Variants in FCF1 observed in about 807,000 individuals in gnomAD.
The protein encoded by FCF1 is rRNA-processing protein FCF1 homolog.
A neutral mutation model predicts 32.5 loss-of-function variants in FCF1; 17 were observed. The observed-to-expected ratio is 0.52, with a 90% CI of 0.36 to 0.78. FCF1 has a LOEUF of 0.78. Ranked by LOEUF, FCF1 falls within the 30% of genes least tolerant of loss-of-function variation. The pLI, the probability that FCF1 is intolerant of heterozygous loss-of-function variation, is 0.00. For missense variants in FCF1, 201 were observed against 241.1 expected, an observed-to-expected ratio of 0.83 and a Z score of 1.10; for synonymous variants, 84 against 78.4, an observed-to-expected ratio of 1.07 and a Z score of -0.38.
chr14:74,732,867 T>A, intron 6 of FCF1, 49 bp downstream of exon 6: 34 of 1,018,834 alleles, frequency 3.3e-5, no homozygotes, highest in Non-Finnish European at 4.5e-5. Flanking sequence ...AAAAAAAATG[T>A]AAACTATTAT....
At chr14:74,733,725 C>T (rs977060148) in intron 6 of FCF1, among the ~76,000 whole-genome samples, 2 of 152,104 alleles carry the variant, frequency 1.3e-5, no homozygotes, top group African/African-American at 4.8e-5. Flanking sequence ...TTTTTATCTC[C>T]ATGGAGTTCC....
intron 3 of FCF1, 93 bp from the exon 4 acceptor site, chr14:74,715,858 G>A: frequency 6.2e-7 from 1 of 1,610,234 alleles, no homozygotes; most frequent in Non-Finnish European, 8.5e-7. Context: ...AGAGTTTACA[G>A]CAAACAGTCC....
intron 4 of FCF1, among the ~76,000 whole-genome samples, chr14:74,716,870 C>T (rs555560541): frequency 6.6e-6 from 1 of 152,234 alleles, no homozygotes; most frequent in Non-Finnish European, 1.5e-5. Context: ...TTGTACCTCC[C>T]TTTTTAAGTT....
At chr14:74,720,981 C>A (rs1408530608) in intron 4 of FCF1, among the ~76,000 whole-genome samples, 1 of 150,424 alleles carries the variant, frequency 6.6e-6, no homozygotes, top group Non-Finnish European at 1.5e-5. Context: ...CGGGTTCAAG[C>A]AATTCTCATG....
At chr14:74,714,795 G>T in intron 2 of FCF1, 77 bp from the exon 3 acceptor site, 1 of 1,456,144 alleles carries the variant, frequency 6.9e-7, no homozygotes, top group Non-Finnish European at 9.1e-7. Flanking sequence ...AAAAAAAAAT[G>T]GAACTTTAGA....
rs571560482 is a variant in FCF1, at chr14:74,735,570, CTT to C, written c.*653_*654del. ...CTGAGGGTAGTTCAATATGCTCACT[CTT>C]TTTTTTTTTTTTCTTGAGATGAAGT... On this transcript the variant is annotated 3_prime_UTR_variant, in exon 8 of 8. Transcript: ENST00000341162. 5 of 144,270 alleles carry C rather than the reference CTT, an allele frequency of 3.5e-5. No individual in the cohort carries two copies. The highest frequency in any genetic ancestry group is 2.0e-4 in the East Asian group (1 of 5,002). 8.9% of individuals were successfully genotyped at this position (144,270 alleles called of 1,614,324 possible).
chr14:74,736,477 C>G lies in FCF1; in HGVS notation c.*1547C>G, dbSNP rs550563162. ...TCAGACAGGAAGAATATGTTTTATGCTTTTTTTGAGTTCTGTTGTACAGTG... is the reference window on the plus strand; with the variant it reads ...TCAGACAGGAAGAATATGTTTTATGGTTTTTTTGAGTTCTGTTGTACAGTG... On this transcript the variant is annotated 3_prime_UTR_variant, in exon 8 of 8. Coordinates refer to ENST00000341162, the MANE Select transcript of FCF1 (RefSeq NM_015962.5). 1 of 151,702 alleles carries G rather than the reference C, an allele frequency of 6.6e-6. No individual in the cohort carries two copies. The highest frequency in any genetic ancestry group is 2.1e-4 in the South Asian group (1 of 4,810). The allele number at this position is 151,702 out of a possible 1,614,324, so 9.4% of individuals were successfully genotyped here.
chr14:74,718,637 C>T (rs1032947169), intron 4 of FCF1, among the ~76,000 whole-genome samples: 1 of 151,546 alleles, frequency 6.6e-6, no homozygotes, highest in Non-Finnish European at 1.5e-5. Context: ...CCACTCCCAG[C>T]TAATTTTTGT....
At chr14:74,723,645 A>G (rs2090536198) in intron 5 of FCF1, among the ~76,000 whole-genome samples, 2 of 152,042 alleles carry the variant, frequency 1.3e-5, no homozygotes, top group Non-Finnish European at 2.9e-5. Flanking sequence ...CCTGACCAAC[A>G]TGGAGAAACC....
Position 74,723,234 on chromosome 14 carries a change from C to A in FCF1, c.293-38C>A, listed in dbSNP as rs562076830. On this transcript the variant is annotated intron_variant, in intron 4 of 7. Transcript: ENST00000341162. ...ATATAATTCAGAGATAATTTCGTTA[C>A]AAGTTCTGTTCTTAATGTGAATTTT... 4 of 1,472,564 alleles carry A rather than the reference C, an allele frequency of 2.7e-6. No homozygotes were observed. The South Asian group carries it at 4.5e-5, about 17-fold the overall frequency. 91.2% of individuals were successfully genotyped at this position (1,472,564 alleles called of 1,614,324 possible). A position where few individuals can be genotyped will look rare whatever the true frequency, so the allele number is the denominator to read the frequency against.
intron 4 of FCF1, among the ~76,000 whole-genome samples, chr14:74,722,047 C>CTTTTT (rs59367492): frequency 4.9e-5 from 6 of 121,408 alleles, no homozygotes; most frequent in African/African-American, 1.6e-4. Flanking sequence ...TGGGTATTTT[C>CTTTTT]TTTTTTTTTT....
chr14:74,728,533 A>G (rs2090599436), intron 5 of FCF1, among the ~76,000 whole-genome samples: 1 of 152,226 alleles, frequency 6.6e-6, no homozygotes, highest in Non-Finnish European at 1.5e-5. Flanking sequence ...TAGATATACA[A>G]TCATGTCGTC....
rs772778377 is a variant in FCF1 at position 74,723,372 on chromosome 14, C to T, written c.365+28C>T. ...AGGAAGGAGGTAAACTAGATCTGTT[C>T]TAGATTGGTATACTGAAGATTCATC... On this transcript the variant is annotated intron_variant, in intron 5 of 7. Coordinates refer to ENST00000341162, the MANE Select transcript of FCF1 (RefSeq NM_015962.5). 2.7e-6 allele frequency: 4 copies of T among 1,498,970 alleles called. No homozygotes were observed. The East Asian group carries it at 9.1e-5, about 34-fold the overall frequency. 92.9% of individuals were successfully genotyped at this position (1,498,970 alleles called of 1,614,324 possible).
intron 5 of FCF1, among the ~76,000 whole-genome samples, chr14:74,732,352 G>GC (rs1323069567): frequency 1.3e-5 from 2 of 152,000 alleles, no homozygotes; most frequent in Non-Finnish European, 2.9e-5. Context: ...TCATCCTTCT[G>GC]CCTATATTCT....
rs1380771006 is a variant in FCF1 at position 74,737,512 on chromosome 14, G to A, written c.*2582G>A. On this transcript the variant is annotated 3_prime_UTR_variant, in exon 8 of 8. Transcript: ENST00000341162. ...ATACTAATTCCACCAGTTAATATCT[G>A]TATGAGTTGGACAAACCATATAACC... The A allele has an allele frequency of 6.6e-6, 1 of 152,220 alleles. No individual in the cohort carries two copies. Among genetic ancestry groups the A allele is most frequent in the Non-Finnish European group, 1.5e-5 (1 of 68,050 alleles). The allele number at this position is 152,220 out of a possible 1,614,324, so 9.4% of individuals were successfully genotyped here.
chr14:74,721,144 A>G (rs1289867754), intron 4 of FCF1, among the ~76,000 whole-genome samples: 7 of 151,154 alleles, frequency 4.6e-5, no homozygotes, highest in Non-Finnish European at 1.0e-4. Context: ...TCCAGGCTTC[A>G]AGTGATTCTC....
At chr14:74,729,857 T>C (rs1332641917) in intron 5 of FCF1, among the ~76,000 whole-genome samples, 1 of 152,218 alleles carries the variant, frequency 6.6e-6, no homozygotes, top group Non-Finnish European at 1.5e-5. Flanking sequence ...CATTTCGTTA[T>C]GTACCCAGTA....
At chr14:74,714,180 G>A (rs2090378814) in intron 2 of FCF1, among the ~76,000 whole-genome samples, 1 of 152,162 alleles carries the variant, frequency 6.6e-6, no homozygotes, top group African/African-American at 2.4e-5. Context: ...AAAGCCGGGC[G>A]CAGTGGCTCA....
At chr14:74,720,056 C>T (rs377165347) in intron 4 of FCF1, among the ~76,000 whole-genome samples, 33 of 152,220 alleles carry the variant, frequency 2.2e-4, no homozygotes, top group African/African-American at 7.9e-4. Flanking sequence ...GCAGGAAAAT[C>T]GCTTGAACCC....
Sources: gnomAD v4.1 joint callset for allele counts (sites outside exome capture counted in the v4.1 genomes callset) on GRCh38, gnomAD v4.1.1 for gene constraint, MANE v1.5 for transcripts, NCBI Gene and HGNC (gene_info 2026-07-23, HGNC 2026-07-21) for gene names.